The following ZNF385B variants were observed in gnomAD, a reference collection of about 807,000 sequenced individuals.
The protein encoded by ZNF385B is zinc finger protein 385B.
In ZNF385B, 23 loss-of-function variants were observed where a neutral mutation model predicts 39.2. That is an observed-to-expected ratio of 0.59 (90% CI 0.42 to 0.83). The LOEUF is 0.83. ZNF385B is among the 40% of genes least tolerant of loss of function. ZNF385B has a pLI of 0.00. For missense variants in ZNF385B, 552 were observed against 598.9 expected (o/e 0.92, Z 0.82); for synonymous variants, 205 against 222.6 (o/e 0.92, Z 0.70).
intron 1 of ZNF385B, among the ~76,000 whole-genome samples, chr2:179,856,102 C>T (rs1271183267): frequency 6.6e-6 from 1 of 152,148 alleles, no homozygotes; most frequent in African/African-American, 2.4e-5. Flanking sequence ...AAGAGCATCA[C>T]TGTTTTTCTA....
chr2:179,646,373 C>A (rs1229432551), intron 3 of ZNF385B, among the ~76,000 whole-genome samples: 1 of 152,240 alleles, frequency 6.6e-6, no homozygotes, highest in Non-Finnish European at 1.5e-5. Context: ...GATTGCGCCA[C>A]TGCAATCCAG....
At chr2:179,831,285 C>A (rs1010761723) in intron 1 of ZNF385B, among the ~76,000 whole-genome samples, 2 of 152,086 alleles carry the variant, frequency 1.3e-5, no homozygotes, top group African/African-American at 4.8e-5. Context: ...TCTCACATAA[C>A]CTTATGAGGT....
At chr2:179,463,484 C>T (rs1307344933) in intron 6 of ZNF385B, among the ~76,000 whole-genome samples, 2 of 152,080 alleles carry the variant, frequency 1.3e-5, no homozygotes, top group Non-Finnish European at 2.9e-5. Context: ...GGTATTTCTC[C>T]TAATGTTATC....
At chr2:179,550,045 G>T (rs1450828172) in intron 3 of ZNF385B, among the ~76,000 whole-genome samples, 1 of 149,168 alleles carries the variant, frequency 6.7e-6, no homozygotes, top group African/African-American at 2.5e-5. Context: ...TGTTGCAGGG[G>T]CACTTATTAA....
At chr2:179,586,871 T>C (rs1687122847) in intron 3 of ZNF385B, among the ~76,000 whole-genome samples, 1 of 152,014 alleles carries the variant, frequency 6.6e-6, no homozygotes, top group Non-Finnish European at 1.5e-5. Flanking sequence ...ACCCTGTCTC[T>C]ACTAAAAATA....
At chr2:179,738,236 C>A (rs1227354846) in intron 3 of ZNF385B, among the ~76,000 whole-genome samples, 1 of 152,144 alleles carries the variant, frequency 6.6e-6, no homozygotes. Flanking sequence ...TACCCAAGAG[C>A]TTTATTGAAA....
At chr2:179,822,579 A>G (rs1438943271) in intron 1 of ZNF385B, among the ~76,000 whole-genome samples, 1 of 152,154 alleles carries the variant, frequency 6.6e-6, no homozygotes, top group African/African-American at 2.4e-5. Context: ...TGCACTGTGA[A>G]TGTCATCTCC....
At chr2:179,591,118 C>CACACACAT (rs1687523207) in intron 3 of ZNF385B, among the ~76,000 whole-genome samples, 1 of 151,840 alleles carries the variant, frequency 6.6e-6, no homozygotes, top group Admixed American at 6.6e-5. Context: ...CACACACACA[C>CACACACAT]ACACACACAA....
intron 3 of ZNF385B, among the ~76,000 whole-genome samples, chr2:179,709,263 C>G (rs1194969579): frequency 6.6e-6 from 1 of 152,202 alleles, no homozygotes; most frequent in Admixed American, 6.5e-5. Context: ...GAGTCTTTTT[C>G]CAGCTTACAA....
At chr2:179,758,640 G>C (rs1270340410) in intron 3 of ZNF385B, among the ~76,000 whole-genome samples, 1 of 152,182 alleles carries the variant, frequency 6.6e-6, no homozygotes, top group Non-Finnish European at 1.5e-5. Flanking sequence ...TGCAGCTTCT[G>C]TTCTTGCTGT....
chr2:179,714,806 C>G (rs1339562452), intron 3 of ZNF385B, among the ~76,000 whole-genome samples: 1 of 151,746 alleles, frequency 6.6e-6, no homozygotes, highest in Non-Finnish European at 1.5e-5. Flanking sequence ...AAAAAATTAG[C>G]CAGATGTGGT....
intron 3 of ZNF385B, among the ~76,000 whole-genome samples, chr2:179,588,950 TGTTA>T (rs1469211309): frequency 6.6e-6 from 1 of 152,178 alleles, no homozygotes; most frequent in African/African-American, 2.4e-5. Flanking sequence ...ACAGTCTACA[TGTTA>T]GGATTTCAGA....
intron 3 of ZNF385B, among the ~76,000 whole-genome samples, chr2:179,689,501 G>C (rs1559092529): frequency 6.6e-6 from 1 of 152,210 alleles, no homozygotes. Flanking sequence ...CTGCAGGAGA[G>C]AGAACTTGGG....
intron 5 of ZNF385B, among the ~76,000 whole-genome samples, chr2:179,493,763 G>GTAAACATATGTGTA (rs2055762241): frequency 1.2e-5 from 1 of 85,356 alleles, no homozygotes; most frequent in Non-Finnish European, 2.6e-5. Flanking sequence ...ATACATATAT[G>GTAAACATATGTGTA]TATACATATA....
chr2:179,656,092 T>C (rs1396761824), intron 3 of ZNF385B, among the ~76,000 whole-genome samples: 3 of 152,158 alleles, frequency 2.0e-5, no homozygotes, highest in Non-Finnish European at 4.4e-5. Flanking sequence ...AGATTAACAT[T>C]TGTCTTAGAG....
At chr2:179,451,036 T>C (rs1206475673) in intron 6 of ZNF385B, among the ~76,000 whole-genome samples, 1 of 131,820 alleles carries the variant, frequency 7.6e-6, no homozygotes, top group South Asian at 2.3e-4. Flanking sequence ...CACTCATAGG[T>C]GGGAATTGAA....
In ZNF385B at chr2:179,650,490, A is replaced by C. The variant is rs562050448; in HGVS notation, c.299-105521T>G. ...CAAGATAAGGGATACTTGGAGACAA[A>C]TAAAAGCCCAAGTAAAAGATACTAT... On this transcript the variant is annotated intron_variant, in intron 3 of 9. Coordinates refer to ENST00000410066, the MANE Select transcript of ZNF385B (RefSeq NM_152520.6). Among the ~76,000 whole-genome samples the C allele has an allele frequency of 2.0e-5, 3 of 152,348 alleles. No individual in the cohort carries two copies. The East Asian group carries it at 5.8e-4, about 29-fold the overall frequency.
At chr2:179,520,130 GAGACC>G (rs1379213656) in intron 4 of ZNF385B, among the ~76,000 whole-genome samples, 1 of 151,732 alleles carries the variant, frequency 6.6e-6, no homozygotes, top group East Asian at 1.9e-4. Context: ...TTAGGAGTTT[GAGACC>G]AGACTGGGCA....
chr2:179,513,289 A>T (rs60600251), intron 5 of ZNF385B, among the ~76,000 whole-genome samples: 1,948 of 152,356 alleles, frequency 0.013, 42 homozygotes, highest in African/African-American at 0.043. Flanking sequence ...TAGCACCATT[A>T]CTAAACACTG....
Sources: allele counts gnomAD v4.1 joint callset (sites outside exome capture counted in the v4.1 genomes callset), GRCh38; gene constraint gnomAD v4.1.1; transcripts MANE v1.5; gene names NCBI Gene and HGNC (gene_info 2026-07-23, HGNC 2026-07-21).